Variants in MAP3K15 observed in about 807,000 individuals in gnomAD.
MAP3K15 encodes the protein mitogen-activated protein kinase kinase kinase 15.
Under a neutral mutation model 99.5 loss-of-function variants are expected in MAP3K15, and 124 were observed. That is an observed-to-expected ratio of 1.25 (90% CI 1.08 to 1.45). MAP3K15 has a LOEUF of 1.45. MAP3K15 is among the 40% of genes most tolerant of loss of function. The pLI is 0.00. For synonymous variants in MAP3K15, 494 were observed against 439.6 expected, an observed-to-expected ratio of 1.12 and a Z score of -1.55; for missense variants, 1,242 against 1,079.7, an observed-to-expected ratio of 1.15 and a Z score of -2.11.
intron 13 of MAP3K15, among the ~76,000 whole-genome samples, chrX:19,405,858 A>T (rs1290773751): frequency 8.9e-6 from 1 of 112,605 alleles, no homozygotes; most frequent in Non-Finnish European, 1.9e-5. Context: ...ACGTATATGG[A>T]AATTCTTTGT....
chrX:19,387,732 A>G (rs1319707769), intron 18 of MAP3K15, among the ~76,000 whole-genome samples: 5 of 111,655 alleles, frequency 4.5e-5, no homozygotes, highest in African/African-American at 1.6e-4. Context: ...TTCTGGTTCC[A>G]GGGGCTGCCC....
chrX:19,411,697 G>A (rs972015431), intron 11 of MAP3K15, among the ~76,000 whole-genome samples: 3 of 110,454 alleles, frequency 2.7e-5, no homozygotes, highest in Non-Finnish European at 5.7e-5. Context: ...AGGAAGCCAC[G>A]TGGATGCCTG....
Position 19,449,732 on chromosome X carries a change from C to A in MAP3K15, c.995+7181G>T, listed in dbSNP as rs1024453105. 4.6e-4 allele frequency among the ~76,000 whole-genome samples: 50 copies of A among 109,491 alleles called. 2 individuals carry two copies. Among genetic ancestry groups the A allele is most frequent in the Admixed American group, 2.3e-3 (24 of 10,366 alleles). On this transcript the variant is annotated intron_variant, in intron 6 of 28. Coordinates refer to ENST00000338883, the MANE Select transcript of MAP3K15 (RefSeq NM_001001671.4). ...CTGCAAATACCTATATTCAGATCAA[C>A]CCTGTCCCACGCAAAATAGTCATCT...
chrX:19,377,890 A>G (rs2063431277), intron 19 of MAP3K15, among the ~76,000 whole-genome samples: 1 of 112,350 alleles, frequency 8.9e-6, no homozygotes, highest in African/African-American at 3.2e-5. Flanking sequence ...CAGGTATCAG[A>G]AGACTCTTGT....
At chrX:19,471,771 A>T (rs189311029) in intron 3 of MAP3K15, among the ~76,000 whole-genome samples, 3 of 111,666 alleles carry the variant, frequency 2.7e-5, no homozygotes, top group Admixed American at 1.9e-4. Flanking sequence ...ATTAGAAACA[A>T]CGAAGGCCAC....
chrX:19,465,136 C>T (rs887801700), intron 3 of MAP3K15, among the ~76,000 whole-genome samples: 9 of 111,004 alleles, frequency 8.1e-5, no homozygotes, highest in African/African-American at 3.0e-4. Context: ...TCAAACAATC[C>T]GCCCACCTCA....
chrX:19,384,035 C>T (rs778887223), intron 18 of MAP3K15, among the ~76,000 whole-genome samples: 1 of 111,821 alleles, frequency 8.9e-6, no homozygotes, highest in African/African-American at 3.2e-5. Flanking sequence ...TATCTGCACC[C>T]GCATGTTTGT....
intron 19 of MAP3K15, among the ~76,000 whole-genome samples, chrX:19,377,230 T>C (rs188752988): frequency 8.9e-6 from 1 of 112,786 alleles, no homozygotes; most frequent in Non-Finnish European, 1.9e-5. Context: ...TGACTTCATA[T>C]GCCATCCAAA....
Position 19,417,099 on chromosome X carries a change from C to T in MAP3K15, c.1440-1842G>A, listed in dbSNP as rs1018944853. On this transcript the variant is annotated intron_variant, in intron 9 of 28. Transcript: ENST00000338883. ...ATGGCTGAATACGAACAACTCCAGT[C>T]GACAGCCCCCAGCATGAGCGATGCA... Among the ~76,000 whole-genome samples the T allele has an allele frequency of 3.6e-5, 4 of 112,046 alleles. No individual in the cohort carries two copies. In the East Asian group the frequency reaches 1.1e-3, roughly 32 times the overall value.
chrX:19,435,232 CT>C lies in MAP3K15; in HGVS notation c.996-3625del, dbSNP rs762215032. Reference sequence around the variant, plus strand: ...TAAACTCAATAAACTCACTTGAATGCTTTTTTTTTTTTTTTCTCTTTGAGAC... The same window carrying C: ...TAAACTCAATAAACTCACTTGAATGCTTTTTTTTTTTTTTCTCTTTGAGAC... On this transcript the variant is annotated intron_variant, in intron 6 of 28. Coordinates refer to ENST00000338883, the MANE Select transcript of MAP3K15 (RefSeq NM_001001671.4). 8.6e-3 allele frequency among the ~76,000 whole-genome samples: 854 copies of C among 99,126 alleles called. 4 individuals carry two copies. Among genetic ancestry groups the C allele is most frequent in the Middle Eastern group, 0.025 (5 of 199 alleles). 86.1% of individuals were successfully genotyped at this position (99,126 alleles called of 115,157 possible).
intron 1 of MAP3K15, among the ~76,000 whole-genome samples, chrX:19,498,448 C>T (rs2064420566): frequency 4.5e-5 from 5 of 111,761 alleles, no homozygotes; most frequent in Admixed American, 3.8e-4. Context: ...AGCCAATAAA[C>T]GAGAAGATAG....
At chrX:19,399,738 C>CA (rs1569210940) in intron 14 of MAP3K15, among the ~76,000 whole-genome samples, 1 of 42,820 alleles carries the variant, frequency 2.3e-5, no homozygotes. Context: ...GACTCTGTTT[C>CA]CAAAAAAAAA....
At chrX:19,426,132 T>C (rs1469100173) in intron 8 of MAP3K15, 99 bp downstream of exon 8, 2 of 450,690 alleles carry the variant, frequency 4.4e-6, no homozygotes, top group South Asian at 9.0e-5. Flanking sequence ...AAAAAAAGAA[T>C]AGAAATATAA....
intron 26 of MAP3K15, among the ~76,000 whole-genome samples, chrX:19,361,873 T>A (rs5901657): frequency 1.2e-5 from 1 of 80,017 alleles, no homozygotes; most frequent in Non-Finnish European, 2.0e-5. Flanking sequence ...CAAATGCCTT[T>A]CCTTAGGAAT....
rs541851962 is a variant in MAP3K15 at position 19,490,272 on chromosome X, T to C, written c.362-1305A>G. Among the ~76,000 whole-genome samples the C allele has an allele frequency of 3.7e-4, 41 of 110,964 alleles. No individual in the cohort carries two copies. The South Asian group carries it at 6.1e-3, about 17-fold the overall frequency. ...AATGGTATTGCATTGTATGTATTCT[T>C]CAGCTTGCTATTTTTTGGTGGCATT... On this transcript the variant is annotated intron_variant, in intron 1 of 28. Transcript: ENST00000338883.
At chrX:19,456,287 C>A (rs1055306720) in intron 6 of MAP3K15, among the ~76,000 whole-genome samples, 3 of 112,098 alleles carry the variant, frequency 2.7e-5, no homozygotes, top group Non-Finnish European at 5.6e-5. Context: ...ATACCAAGGA[C>A]TACGCGACGG....
intron 16 of MAP3K15, among the ~76,000 whole-genome samples, chrX:19,394,811 TTTTTTTTTTTTTTTTTTTTTTTTTAA>T (rs1257318344): frequency 1.7e-3 from 105 of 60,951 alleles, no homozygotes; most frequent in African/African-American, 9.4e-3. Flanking sequence ...TTTTTTTTTT[TTTTTTTTTTTTTTTTTTTTTTTTTAA>T]AAAGAGTGAT....
At chrX:19,437,862 A>G (rs2063932861) in intron 6 of MAP3K15, among the ~76,000 whole-genome samples, 1 of 111,376 alleles carries the variant, frequency 9.0e-6, no homozygotes, top group African/African-American at 3.3e-5. Context: ...AGCATCGATT[A>G]CTATGTGAAA....
At chrX:19,505,640 A>G (rs1164156365) in intron 1 of MAP3K15, among the ~76,000 whole-genome samples, 1 of 111,500 alleles carries the variant, frequency 9.0e-6, no homozygotes, top group Non-Finnish European at 1.9e-5. Flanking sequence ...AGTGGCAGAC[A>G]TCACTCTCAC....
Sources: gnomAD v4.1 joint callset for allele counts (sites outside exome capture counted in the v4.1 genomes callset) on GRCh38, gnomAD v4.1.1 for gene constraint, MANE v1.5 for transcripts, NCBI Gene and HGNC (gene_info 2026-07-23, HGNC 2026-07-21) for gene names.